PLPPR1: variants seen among roughly 807,000 people sequenced by gnomAD.
PLPPR1 encodes phospholipid phosphatase-related protein type 1.
PLPPR1 carries 10 observed loss-of-function variants against 33.1 expected under a neutral mutation model. That is an observed-to-expected ratio of 0.30 (90% CI 0.19 to 0.51). PLPPR1 has a LOEUF of 0.51. Ranked by LOEUF, PLPPR1 falls within the 20% of genes least tolerant of loss-of-function variation. The pLI, the probability that PLPPR1 is intolerant of heterozygous loss-of-function variation, is 0.97. For missense variants in PLPPR1, 304 were observed against 408.1 expected, an observed-to-expected ratio of 0.74 and a Z score of 2.20; for synonymous variants, 151 against 151.0, an observed-to-expected ratio of 1.00 and a Z score of 0.00.
chr9:101,199,639 T>C (rs1344664184), intron 2 of PLPPR1, among the ~76,000 whole-genome samples: 1 of 152,218 alleles, frequency 6.6e-6, no homozygotes, highest in Non-Finnish European at 1.5e-5. Flanking sequence ...ATACTCATTA[T>C]ATTTTCTTTA....
intron 1 of PLPPR1, among the ~76,000 whole-genome samples, chr9:101,030,342 C>A (rs1829929612): frequency 6.6e-6 from 1 of 150,728 alleles, no homozygotes; most frequent in African/African-American, 2.4e-5. Flanking sequence ...CTGGAGGGGA[C>A]GTACACTACA....
chr9:101,191,774 G>T (rs1448684225), intron 2 of PLPPR1, among the ~76,000 whole-genome samples: 1 of 152,096 alleles, frequency 6.6e-6, no homozygotes, highest in African/African-American at 2.4e-5. Flanking sequence ...TAATAACTCA[G>T]CCAAGTCTCT....
chr9:101,129,734 G>T (rs982771105), intron 1 of PLPPR1, among the ~76,000 whole-genome samples: 2 of 152,296 alleles, frequency 1.3e-5, no homozygotes, highest in Middle Eastern at 3.4e-3. Flanking sequence ...AGGAGGCTGA[G>T]GCAGGCGAAT....
chr9:101,037,949 A>G (rs1830030003), intron 1 of PLPPR1, among the ~76,000 whole-genome samples: 1 of 152,060 alleles, frequency 6.6e-6, no homozygotes, highest in Non-Finnish European at 1.5e-5. Flanking sequence ...GCAATTAAAA[A>G]TGAATTAAGC....
chr9:101,050,947 G>A (rs541987475), intron 1 of PLPPR1, among the ~76,000 whole-genome samples: 1 of 151,964 alleles, frequency 6.6e-6, no homozygotes, highest in South Asian at 2.1e-4. Flanking sequence ...TTTGTCAATC[G>A]AGTGTTTCAT....
chr9:101,280,587 A>G lies in PLPPR1; in HGVS notation c.253-5517A>G, dbSNP rs181768395. 1.5e-4 allele frequency among the ~76,000 whole-genome samples: 23 copies of G among 152,324 alleles called. No individual in the cohort carries two copies. The East Asian group carries it at 4.4e-3, about 29-fold the overall frequency. ...TTAAAAAGATCATTTATCATGGCCAAGTGGGATTTATCCCAGGGATGCAAG... is the reference window on the plus strand; with the variant it reads ...TTAAAAAGATCATTTATCATGGCCAGGTGGGATTTATCCCAGGGATGCAAG... On this transcript the variant is annotated intron_variant, in intron 3 of 7. Transcript: ENST00000374874.
At chr9:101,069,423 T>C (rs1013299793) in intron 1 of PLPPR1, among the ~76,000 whole-genome samples, 5 of 152,098 alleles carry the variant, frequency 3.3e-5, no homozygotes, top group African/African-American at 1.2e-4. Flanking sequence ...GTGTCTACAA[T>C]GGTAACGTTG....
chr9:101,264,756 C>CA (rs1827957377), intron 2 of PLPPR1, among the ~76,000 whole-genome samples: 3 of 152,098 alleles, frequency 2.0e-5, no homozygotes, highest in Admixed American at 1.3e-4. Flanking sequence ...GTGCTTGGTT[C>CA]ATTGTTTGTG....
intron 1 of PLPPR1, among the ~76,000 whole-genome samples, chr9:101,064,146 A>G (rs1408974169): frequency 2.6e-5 from 4 of 152,236 alleles, no homozygotes; most frequent in African/African-American, 9.6e-5. Context: ...CTGTACTGAC[A>G]CTTTATATTA....
chr9:101,322,198 C>CAAAAAAAA (rs57344415), intron 7 of PLPPR1, among the ~76,000 whole-genome samples: 20 of 27,686 alleles, frequency 7.2e-4, no homozygotes, highest in East Asian at 2.0e-3. Context: ...GACTTCATCT[C>CAAAAAAAA]AAAAAAAAAA....
chr9:101,047,420 T>C (rs1830166759), intron 1 of PLPPR1, among the ~76,000 whole-genome samples: 1 of 152,190 alleles, frequency 6.6e-6, no homozygotes, highest in African/African-American at 2.4e-5. Context: ...GCGTAAAAGA[T>C]GTTAAGGGTA....
At chr9:101,300,777 T>C (rs1828737353) in intron 4 of PLPPR1, among the ~76,000 whole-genome samples, 1 of 152,234 alleles carries the variant, frequency 6.6e-6, no homozygotes, top group Non-Finnish European at 1.5e-5. Context: ...CAGGGCATAT[T>C]TTCTAGACTT....
intron 1 of PLPPR1, among the ~76,000 whole-genome samples, chr9:101,114,340 G>A (rs922507874): frequency 2.0e-5 from 3 of 152,174 alleles, no homozygotes; most frequent in Non-Finnish European, 4.4e-5. Context: ...CTAGTAAATG[G>A]TGTATCAGGC....
intron 6 of PLPPR1, among the ~76,000 whole-genome samples, chr9:101,315,869 G>A (rs1481152519): frequency 6.6e-6 from 1 of 152,186 alleles, no homozygotes; most frequent in Non-Finnish European, 1.5e-5. Context: ...GTTCAATAGT[G>A]CTTTATGTTT....
chr9:101,097,342 C>T (rs1471115580), intron 1 of PLPPR1, among the ~76,000 whole-genome samples: 1 of 152,172 alleles, frequency 6.6e-6, no homozygotes, highest in Non-Finnish European at 1.5e-5. Context: ...AACTGATTAA[C>T]ATCTAAGTCA....
intron 1 of PLPPR1, among the ~76,000 whole-genome samples, chr9:101,113,368 G>T (rs117532203): frequency 0.012 from 1,891 of 152,174 alleles, 17 homozygotes; most frequent in East Asian, 0.036. Context: ...TAAATACTGT[G>T]TGCTGTTTAG....
chr9:101,112,802 A>G (rs1013886286), intron 1 of PLPPR1, among the ~76,000 whole-genome samples: 3 of 152,154 alleles, frequency 2.0e-5, no homozygotes. Flanking sequence ...TCATCTTCAC[A>G]TTGTCAAATG....
rs79804653 is a variant in PLPPR1 at position 101,168,733 on chromosome 9, C to T, written c.-45-16717C>T. Among the ~76,000 whole-genome samples the T allele has an allele frequency of 3.3e-3, 506 of 152,086 alleles. 8 individuals are homozygous for T. The highest frequency in any genetic ancestry group is 0.011 in the African/African-American group (476 of 41,514). Reference sequence around the variant, plus strand: ...AAAGTGGAACCTTTTTCTCAATGCTCGTCTTCAAAATAATTTAGTTAAAGG... The same window carrying T: ...AAAGTGGAACCTTTTTCTCAATGCTTGTCTTCAAAATAATTTAGTTAAAGG... On this transcript the variant is annotated intron_variant, in intron 1 of 7. Coordinates refer to ENST00000374874, the MANE Select transcript of PLPPR1 (RefSeq NM_207299.2).
At position 101,142,694 on chromosome 9, in the gene PLPPR1, T is replaced by G. The variant is rs1486733051; in HGVS notation, c.-45-42756T>G. Among the ~76,000 whole-genome samples the G allele has an allele frequency of 2.0e-5, 3 of 152,310 alleles. No homozygotes were observed. In the East Asian group the frequency reaches 5.8e-4, roughly 29 times the overall value. ...AACTCACTCTCTTGAATCTGTCTCC[T>G]TTTTTCATTTTCCACTGTTGTTTCT... On this transcript the variant is annotated intron_variant, in intron 1 of 7. Coordinates refer to ENST00000374874, the MANE Select transcript of PLPPR1 (RefSeq NM_207299.2).
Sources: gnomAD v4.1 joint callset for allele counts (sites outside exome capture counted in the v4.1 genomes callset) on GRCh38, gnomAD v4.1.1 for gene constraint, MANE v1.5 for transcripts, NCBI Gene and HGNC (gene_info 2026-07-23, HGNC 2026-07-21) for gene names.